The following TRAPPC9 variants were observed in gnomAD, a reference collection of about 807,000 sequenced individuals.
TRAPPC9 encodes trafficking protein particle complex subunit 9.
Under a neutral mutation model 124.0 loss-of-function variants are expected in TRAPPC9, and 83 were observed. The observed-to-expected ratio is 0.67, with a 90% CI of 0.56 to 0.80. The LOEUF is 0.80. Ranked by LOEUF, TRAPPC9 falls within the 30% of genes least tolerant of loss-of-function variation. The pLI, the probability that TRAPPC9 is intolerant of heterozygous loss-of-function variation, is 0.00. For synonymous variants in TRAPPC9, 638 were observed against 617.5 expected, an observed-to-expected ratio of 1.03 and a Z score of -0.49; for missense variants, 1,302 against 1,508.3, an observed-to-expected ratio of 0.86 and a Z score of 2.27.
intron 15 of TRAPPC9, among the ~76,000 whole-genome samples, chr8:140,265,067 A>G (rs996359935): frequency 3.3e-5 from 5 of 152,210 alleles, no homozygotes; most frequent in Admixed American, 3.3e-4. Flanking sequence ...GAAGCGACAG[A>G]GGCAACGAGC....
At chr8:140,163,597 T>G (rs374922055) in intron 17 of TRAPPC9, among the ~76,000 whole-genome samples, 1 of 152,328 alleles carries the variant, frequency 6.6e-6, no homozygotes, top group South Asian at 2.1e-4. Flanking sequence ...GGGAACGCTG[T>G]GCGGTGCATC....
Position 139,946,562 on chromosome 8 carries a change from C to T in TRAPPC9, c.2811-36262G>A, listed in dbSNP as rs143643107. 9.3e-4 allele frequency among the ~76,000 whole-genome samples: 142 copies of T among 151,962 alleles called. 4 individuals carry two copies. In the East Asian group the frequency reaches 0.027, roughly 29 times the overall value. On this transcript the variant is annotated intron_variant, in intron 19 of 22. Transcript: ENST00000438773. ...GAGGAAAAGAAGCAGGAAAAGCAAG[C>T]ATTTAGCAAGGTATGCCAGTGTCTC...
At chr8:140,148,293 T>C (rs571416240) in intron 17 of TRAPPC9, among the ~76,000 whole-genome samples, 1 of 152,348 alleles carries the variant, frequency 6.6e-6, no homozygotes, top group East Asian at 1.9e-4. Flanking sequence ...CTAATTTCCA[T>C]TCATCATTCA....
At position 140,300,454 on chromosome 8, in the gene TRAPPC9, G is replaced by A; in HGVS notation, c.1768+15C>T. 6.2e-7 allele frequency: 1 copy of A among 1,614,088 alleles called. No individual in the cohort carries two copies. Among genetic ancestry groups the A allele is most frequent in the East Asian group, 2.2e-5 (1 of 44,880 alleles). On this transcript the variant is annotated intron_variant, in intron 11 of 22. Coordinates refer to ENST00000438773, the MANE Select transcript of TRAPPC9 (RefSeq NM_001160372.4). Reference sequence around the variant, plus strand: ...GTGGCAGAGCACGGTGGGAAAGCCAGGATCGACGTCCTACCTATTTTCTTG... The same window carrying A: ...GTGGCAGAGCACGGTGGGAAAGCCAAGATCGACGTCCTACCTATTTTCTTG...
At chr8:140,379,399 C>G (rs2068539132) in intron 7 of TRAPPC9, among the ~76,000 whole-genome samples, 1 of 152,098 alleles carries the variant, frequency 6.6e-6, no homozygotes, top group South Asian at 2.1e-4. Flanking sequence ...TTTCCTGGCT[C>G]TTGTGAAGGT....
At chr8:140,048,751 G>A (rs911506233) in intron 17 of TRAPPC9, among the ~76,000 whole-genome samples, 10 of 152,148 alleles carry the variant, frequency 6.6e-5, no homozygotes, top group Non-Finnish European at 1.3e-4. Context: ...GGGGTCCAGC[G>A]TGAAGGGAGG....
intron 21 of TRAPPC9, among the ~76,000 whole-genome samples, chr8:139,737,090 C>A (rs1226529956): frequency 6.6e-6 from 1 of 152,218 alleles, no homozygotes; most frequent in Admixed American, 6.5e-5. Flanking sequence ...AGGAACCACA[C>A]GTGAAAGCGC....
chr8:139,912,999 T>C (rs1384627857), intron 19 of TRAPPC9, among the ~76,000 whole-genome samples: 2 of 152,224 alleles, frequency 1.3e-5, no homozygotes, highest in African/African-American at 2.4e-5. Context: ...CACCTCTCAG[T>C]TGAGTTTGAC....
chr8:140,382,598 C>T (rs1254823678), intron 7 of TRAPPC9, among the ~76,000 whole-genome samples: 4 of 152,220 alleles, frequency 2.6e-5, no homozygotes, highest in African/African-American at 7.2e-5. Flanking sequence ...TGCAAGGTGG[C>T]AGTGAGGCTG....
intron 18 of TRAPPC9, among the ~76,000 whole-genome samples, chr8:140,013,732 GA>G (rs1839281164): frequency 6.6e-6 from 1 of 152,184 alleles, no homozygotes; most frequent in African/African-American, 2.4e-5. Context: ...TACACACAAG[GA>G]AAATGACAAC....
intron 20 of TRAPPC9, among the ~76,000 whole-genome samples, chr8:139,896,393 A>G (rs1427281006): frequency 6.6e-6 from 1 of 152,222 alleles, no homozygotes; most frequent in African/African-American, 2.4e-5. Context: ...GCTTGCTGTG[A>G]AGGATGCCCT....
intron 21 of TRAPPC9, among the ~76,000 whole-genome samples, chr8:139,774,998 T>G (rs1276080286): frequency 2.0e-5 from 3 of 152,314 alleles, no homozygotes; most frequent in African/African-American, 2.4e-5. Context: ...CTTAACCAGA[T>G]AGTGGGGCAC....
intron 21 of TRAPPC9, among the ~76,000 whole-genome samples, chr8:139,782,498 G>A (rs1278840331): frequency 6.6e-6 from 1 of 152,192 alleles, no homozygotes; most frequent in Non-Finnish European, 1.5e-5. Flanking sequence ...GTATAAAGGG[G>A]TCAATTCCTC....
At chr8:140,128,951 C>G (rs143886466) in intron 17 of TRAPPC9, among the ~76,000 whole-genome samples, 3,728 of 147,606 alleles carry the variant, frequency 0.025, 92 homozygotes, top group African/African-American at 0.059. Context: ...CACATGTACC[C>G]GAGAACTTAA....
intron 19 of TRAPPC9, among the ~76,000 whole-genome samples, chr8:139,963,639 TA>T: frequency 6.9e-6 from 1 of 145,860 alleles, no homozygotes; most frequent in South Asian, 2.1e-4. Flanking sequence ...TCATGAAAAT[TA>T]AGCACACCTT....
intron 9 of TRAPPC9, among the ~76,000 whole-genome samples, chr8:140,358,057 A>G (rs1168955452): frequency 2.6e-5 from 4 of 152,210 alleles, no homozygotes; most frequent in Admixed American, 6.5e-5. Context: ...AAAGAACCAC[A>G]GGGGTTCACG....
At chr8:140,282,095 T>C (rs1478992462) in intron 14 of TRAPPC9, among the ~76,000 whole-genome samples, 4 of 152,256 alleles carry the variant, frequency 2.6e-5, no homozygotes, top group Non-Finnish European at 5.9e-5. Context: ...AACTGGCAAA[T>C]GAAAGGGTCT....
intron 1 of TRAPPC9, among the ~76,000 whole-genome samples, chr8:140,456,535 T>C (rs558229389): frequency 7.9e-5 from 12 of 152,108 alleles, no homozygotes; most frequent in Non-Finnish European, 1.6e-4. Context: ...ACATTTATTG[T>C]TTACATGTTT....
chr8:139,763,366 A>G (rs758305623), intron 21 of TRAPPC9, among the ~76,000 whole-genome samples: 12 of 152,234 alleles, frequency 7.9e-5, no homozygotes, highest in Non-Finnish European at 1.8e-4. Context: ...ATTTATCTAG[A>G]AAACTAATTC....
Sources: gnomAD v4.1 joint callset for allele counts (sites outside exome capture counted in the v4.1 genomes callset) on GRCh38, gnomAD v4.1.1 for gene constraint, MANE v1.5 for transcripts, NCBI Gene and HGNC (gene_info 2026-07-23, HGNC 2026-07-21) for gene names.